Variants in PATJ observed in about 807,000 individuals in gnomAD.
PATJ encodes PATJ crumbs cell polarity complex component, also known as inaD-like protein.
PATJ carries 190 observed loss-of-function variants against 224.9 expected under a neutral mutation model. The ratio of observed to expected loss-of-function variants is 0.84; its 90% CI spans 0.75 to 0.95. The LOEUF (loss-of-function observed/expected upper bound fraction) is 0.95, where lower values mean the gene tolerates loss of function less well. Among genes scored for constraint, PATJ ranks in the 40% least tolerant of loss-of-function variants. The pLI is 0.00. For synonymous variants in PATJ, 769 were observed against 820.3 expected, an observed-to-expected ratio of 0.94 and a Z score of 1.07; for missense variants, 2,121 against 2,270.3, an observed-to-expected ratio of 0.93 and a Z score of 1.34.
intron 22 of PATJ, among the ~76,000 whole-genome samples, chr1:61,885,751 A>G (rs1377729784): frequency 5.3e-5 from 8 of 151,912 alleles, no homozygotes; most frequent in African/African-American, 1.9e-4. Context: ...GGCACTATTC[A>G]CAATAGCAAA....
chr1:62,044,983 C>T (rs747492972), intron 30 of PATJ, among the ~76,000 whole-genome samples: 1 of 152,056 alleles, frequency 6.6e-6, no homozygotes, highest in African/African-American at 2.4e-5. Context: ...TCTGGGAGGC[C>T]GAGGCTGGCG....
chr1:62,148,119 T>C (rs199653753), intron 41 of PATJ, among the ~76,000 whole-genome samples, 165 bp from the exon 42 acceptor site: 1 of 21,394 alleles, frequency 4.7e-5, no homozygotes, highest in Non-Finnish European at 1.0e-4. Context: ...AGACACTGTC[T>C]TTAAAAAAAA....
At chr1:61,769,217 T>G in intron 4 of PATJ, 66 bp from the exon 5 acceptor site, 1 of 1,512,078 alleles carries the variant, frequency 6.6e-7, no homozygotes, top group Non-Finnish European at 8.9e-7. Flanking sequence ...CAATTTCAGT[T>G]CTGCAGACAG....
chr1:61,899,788 C>T (rs756784133), intron 23 of PATJ, 134 bp downstream of exon 23: 168 of 572,806 alleles, frequency 2.9e-4, no homozygotes, highest in Non-Finnish European at 4.5e-4. Flanking sequence ...AGCTGGCCTA[C>T]GTTTTGGTTT....
At chr1:61,927,285 G>A (rs1257515308) in intron 26 of PATJ, among the ~76,000 whole-genome samples, 1 of 152,080 alleles carries the variant, frequency 6.6e-6, no homozygotes, top group Non-Finnish European at 1.5e-5. Flanking sequence ...AATAAAATCT[G>A]TAACTTCTAC....
chr1:62,061,789 A>G (rs1248631322), intron 31 of PATJ, among the ~76,000 whole-genome samples: 9 of 151,904 alleles, frequency 5.9e-5, no homozygotes, highest in Admixed American at 5.9e-4. Context: ...CCTCCCGAGT[A>G]GCTGGGACTG....
intron 43 of PATJ, among the ~76,000 whole-genome samples, chr1:62,159,710 C>T (rs1005806587): frequency 1.3e-5 from 2 of 151,924 alleles, no homozygotes; most frequent in East Asian, 1.9e-4. Context: ...TAAGCCACCA[C>T]GCCTGGCTAA....
In PATJ at chr1:61,787,770, C is replaced by G; in HGVS notation, c.866C>G (p.Thr289Arg). Residue 289 changes from threonine to arginine, a missense_variant, in exon 8 of 44, where the codon ACA becomes AGA. Physicochemically the swap from Thr to Arg is moderately conservative, Grantham distance 71. Transcript: ENST00000642238. ...TTCTTGAAGGATGGAAGACTCCAGACAGGGGACCACATCTTGAAGATTGGT... is the reference window on the plus strand; with the variant it reads ...TTCTTGAAGGATGGAAGACTCCAGAGAGGGGACCACATCTTGAAGATTGGT... ...GLADRDGRLQ[T>R]GDHILKIGGT... The G allele has an allele frequency of 6.2e-7, 1 of 1,613,696 alleles. No individual in the cohort carries two copies. The highest frequency in any genetic ancestry group is 8.5e-7 in the Non-Finnish European group (1 of 1,179,596).
In PATJ at chr1:61,771,534, A is replaced by G. The variant is rs993408684; in HGVS notation, c.628A>G (p.Thr210Ala). 6.2e-7 allele frequency: 1 copy of G among 1,613,270 alleles called. No individual in the cohort carries two copies. Residue 210 changes from threonine to alanine, a missense_variant, in exon 6 of 44, where the codon ACT (threonine) becomes GCT (alanine). Transcript: ENST00000642238. Reference protein sequence around the residue: ...QQAIALLQQTTGSLRLIVARE... With the variant: ...QQAIALLQQTAGSLRLIVARE... ...AGCAATTGCATTATTACAACAAACCACTGGATCTTTGAGACTGATTGTGGC... is the reference window on the plus strand; with the variant it reads ...AGCAATTGCATTATTACAACAAACCGCTGGATCTTTGAGACTGATTGTGGC...
chr1:62,159,200 G>GTTT (rs1353350678), intron 43 of PATJ, among the ~76,000 whole-genome samples: 3 of 151,428 alleles, frequency 2.0e-5, no homozygotes, highest in African/African-American at 7.3e-5. Context: ...CAAGTTTTGG[G>GTTT]GTTTATTTTT....
At chr1:62,143,473 C>T (rs1215032317) in intron 41 of PATJ, among the ~76,000 whole-genome samples, 1 of 103,012 alleles carries the variant, frequency 9.7e-6, no homozygotes, top group Non-Finnish European at 1.7e-5. Context: ...TTTTTTGAGA[C>T]AGCGTCTCCC....
At chr1:61,947,119 TG>T (rs1397295649) in intron 27 of PATJ, among the ~76,000 whole-genome samples, 1 of 152,206 alleles carries the variant, frequency 6.6e-6, no homozygotes, top group East Asian at 1.9e-4. Context: ...TCGTACTGAA[TG>T]GGCAAAAACT....
At chr1:62,072,394 T>C (rs910410564) in intron 31 of PATJ, 2 of 152,132 alleles carry the variant, frequency 1.3e-5, no homozygotes, top group East Asian at 1.9e-4. Context: ...ATAGGGATAT[T>C]AGTGTAACGA....
Position 61,787,944 on chromosome 1 carries a change from C to G in PATJ, c.1040C>G (p.Pro347Arg), listed in dbSNP as rs779314951. The change falls in exon 8 of 44, where the codon CCT becomes CGT. Residue 347 changes from proline (P) to arginine (R), a missense_variant. Coordinates refer to ENST00000642238, the MANE Select transcript of PATJ (RefSeq NM_001350145.3). ...PAPAALPVALPTVASKGPGSD... is the reference protein window; with the variant it reads ...PAPAALPVALRTVASKGPGSD... Reference sequence around the variant, plus strand: ...CCTGCAGCCTTACCTGTTGCCCTGCCTACTGTAGCCAGCAAGGGCCCTGGT... The same window carrying G: ...CCTGCAGCCTTACCTGTTGCCCTGCGTACTGTAGCCAGCAAGGGCCCTGGT... 1.9e-6 allele frequency: 3 copies of G among 1,613,556 alleles called. No individual in the cohort carries two copies. In the Admixed American group the frequency reaches 5.0e-5, roughly 27 times the overall value.
chr1:61,958,199 T>A (rs1185425519), intron 27 of PATJ, among the ~76,000 whole-genome samples: 1 of 152,248 alleles, frequency 6.6e-6, no homozygotes, highest in East Asian at 1.9e-4. Flanking sequence ...TTGTAATTTG[T>A]AATTTGTTTA....
intron 16 of PATJ, among the ~76,000 whole-genome samples, chr1:61,832,631 C>T (rs1659540321): frequency 6.6e-6 from 1 of 152,146 alleles, no homozygotes; most frequent in Admixed American, 6.6e-5. Context: ...TGTGTGCCTA[C>T]TATGAGCCAG....
At chr1:61,953,424 A>G (rs1680004860) in intron 27 of PATJ, among the ~76,000 whole-genome samples, 1 of 152,228 alleles carries the variant, frequency 6.6e-6, no homozygotes, top group African/African-American at 2.4e-5. Flanking sequence ...CTATGCTGTC[A>G]AAACTATTGA....
At chr1:62,017,741 A>AAG in intron 28 of PATJ, 115 bp from the exon 29 acceptor site, 1 of 575,458 alleles carries the variant, frequency 1.7e-6, no homozygotes, top group Non-Finnish European at 3.0e-6. Flanking sequence ...AAAAAAAAAA[A>AAG]AAAAAAGAAA....
chr1:61,983,217 A>G (rs6668474), intron 27 of PATJ, among the ~76,000 whole-genome samples: 5,087 of 152,146 alleles, frequency 0.033, 328 homozygotes, highest in African/African-American at 0.12. Context: ...ATGAGTCTAA[A>G]TAAAAGTCAT....
Sources: allele counts gnomAD v4.1 joint callset (sites outside exome capture counted in the v4.1 genomes callset), GRCh38; gene constraint gnomAD v4.1.1; transcripts MANE v1.5; gene names NCBI Gene and HGNC (gene_info 2026-07-23, HGNC 2026-07-21).